The following CUBN variants were observed in gnomAD, a reference collection of about 807,000 sequenced individuals.
CUBN encodes 460 kDa receptor.
CUBN carries 282 observed loss-of-function variants against 405.3 expected under a neutral mutation model. The ratio of observed to expected loss-of-function variants is 0.70; its 90% confidence interval spans 0.63 to 0.77. The LOEUF (loss-of-function observed/expected upper bound fraction) is 0.77, where lower values mean the gene tolerates loss of function less well. Among genes scored for constraint, CUBN ranks in the 30% least tolerant of loss-of-function variants. The pLI, the probability that CUBN is intolerant of heterozygous loss-of-function variation, is 0.00. For synonymous variants in CUBN, 1,684 were observed against 1,617.0 expected, an observed-to-expected ratio of 1.04 and a Z score of -0.99; for missense variants, 4,514 against 4,475.2, an observed-to-expected ratio of 1.01 and a Z score of -0.25.
In CUBN at chr10:17,065,593, G is replaced by A; in HGVS notation, c.3054C>T (p.Asn1018=). 1.1e-5 allele frequency: 17 copies of A among 1,613,662 alleles called. No homozygotes were observed. The highest frequency in any genetic ancestry group is 1.4e-5 in the Non-Finnish European group (17 of 1,179,636). The change falls in exon 22 of 67, where the codon AAC becomes AAT. Residue 1018 remains asparagine, a synonymous_variant. Coordinates refer to ENST00000377833, the MANE Select transcript of CUBN (RefSeq NM_001081.4). ...CAGTCACAAACACCAGCATCAATGAGTTACCACTGCTTGTGAGAGATGGCG... is the reference window on the plus strand; with the variant it reads ...CAGTCACAAACACCAGCATCAATGAATTACCACTGCTTGTGAGAGATGGCG... ...SIPPSLTSSG[N]SLMLVFVTDS...
At position 16,913,889 on chromosome 10, in the gene CUBN, C is replaced by T. The variant is rs144942741; in HGVS notation, c.7455G>A (p.Pro2485=). ...ACATTAGGGTGATCCGCCTTCCCTCCGGGGCAGTGATTCTCCACTCGCAGA... is the reference window on the plus strand; with the variant it reads ...ACATTAGGGTGATCCGCCTTCCCTCTGGGGCAGTGATTCTCCACTCGCAGA... ...GRICEWRITA[P]EGRRITLMFN... The change falls in exon 48 of 67, where the codon CCG becomes CCA. Residue 2485 remains proline (P), a synonymous_variant. Coordinates refer to ENST00000377833, the MANE Select transcript of CUBN (RefSeq NM_001081.4). 1.1e-4 allele frequency: 179 copies of T among 1,614,044 alleles called. 2 individuals are homozygous for T. The Middle Eastern group carries it at 1.3e-3, about 12-fold the overall frequency.
chr10:17,059,555 A>T (rs1046890606), intron 22 of CUBN, among the ~76,000 whole-genome samples: 1 of 152,200 alleles, frequency 6.6e-6, no homozygotes, highest in African/African-American at 2.4e-5. Context: ...GAATGAATCC[A>T]TATGACCTCT....
intron 27 of CUBN, among the ~76,000 whole-genome samples, chr10:17,031,084 C>T (rs12262660): frequency 0.023 from 3,452 of 152,112 alleles, 131 homozygotes; most frequent in African/African-American, 0.078. Flanking sequence ...TTTTTCTTAA[C>T]GGAGCTTTGA....
chr10:16,970,584 A>AAAAAAC, intron 31 of CUBN, among the ~76,000 whole-genome samples: 1 of 151,920 alleles, frequency 6.6e-6, no homozygotes, highest in African/African-American at 2.4e-5. Context: ...CTCAAAAAAA[A>AAAAAAC]AAAAAAAATC....
chr10:16,971,730 C>T (rs1305993143), intron 31 of CUBN, among the ~76,000 whole-genome samples: 1 of 152,138 alleles, frequency 6.6e-6, no homozygotes, highest in Non-Finnish European at 1.5e-5. Flanking sequence ...ACATGATTTT[C>T]TCTACTGTTC....
chr10:17,012,292 G>A (rs1834207556), intron 28 of CUBN, among the ~76,000 whole-genome samples: 1 of 152,212 alleles, frequency 6.6e-6, no homozygotes. Flanking sequence ...CCAGAGGTTG[G>A]TATAAGAGTT....
intron 59 of CUBN, among the ~76,000 whole-genome samples, chr10:16,862,254 T>C (rs1314704008): frequency 6.6e-6 from 1 of 151,040 alleles, no homozygotes; most frequent in Non-Finnish European, 1.5e-5. Flanking sequence ...ACTAAGAAAA[T>C]CAGGAGTTTG....
intron 28 of CUBN, among the ~76,000 whole-genome samples, chr10:16,992,652 G>A (rs1833627128): frequency 6.6e-6 from 1 of 152,006 alleles, no homozygotes; most frequent in Admixed American, 6.6e-5. Context: ...ATCTTGATTC[G>A]GCAGAGAAAT....
intron 59 of CUBN, among the ~76,000 whole-genome samples, chr10:16,854,599 G>A (rs1839816147): frequency 6.6e-6 from 1 of 152,118 alleles, no homozygotes; most frequent in Non-Finnish European, 1.5e-5. Context: ...AGGTAGACAG[G>A]AAAATGCTGT....
rs368615070 is a variant in CUBN, at chr10:16,990,651, G to T, written c.4169-136C>A. 5.8e-6 allele frequency: 4 copies of T among 693,386 alleles called. 1 individual carries two copies. The African/African-American group carries it at 7.2e-5, about 12-fold the overall frequency. The allele number at this position is 693,386 out of a possible 1,614,324, so 43.0% of individuals were successfully genotyped here. ...GAGAAAACCGTTAAGTTACAATAAA[G>T]TTATAATTATGCAGTTATAAAACAA... On this transcript the variant is annotated intron_variant, in intron 28 of 66. Transcript: ENST00000377833.
intron 43 of CUBN, among the ~76,000 whole-genome samples, chr10:16,922,756 C>T (rs1842072219): frequency 6.6e-6 from 1 of 152,082 alleles, no homozygotes; most frequent in African/African-American, 2.4e-5. Context: ...ATCCACTTCC[C>T]CTGGAACCCT....
chr10:16,901,498 T>C, intron 51 of CUBN, 39 bp from the exon 52 acceptor site: 1 of 1,611,986 alleles, frequency 6.2e-7, no homozygotes, highest in South Asian at 1.1e-5. Context: ...AAAACAGAAG[T>C]AAAAAAAAGA....
In CUBN at chr10:16,900,856, G is replaced by T; in HGVS notation, c.8185-6C>A. 6.3e-7 allele frequency: 1 copy of T among 1,598,506 alleles called. No individual in the cohort carries two copies. ...TCAAAGTCACTAAATGTGAGCTGCA[G>T]GAGAAAAAAGAAAATGGTTGTCAGT... On this transcript the variant is annotated splice_polypyrimidine_tract_variant and splice_region_variant and intron_variant, in intron 52 of 66. Transcript: ENST00000377833.
chr10:16,883,565 A>T (rs1316383970), intron 56 of CUBN, among the ~76,000 whole-genome samples: 1 of 152,246 alleles, frequency 6.6e-6, no homozygotes, highest in Non-Finnish European at 1.5e-5. Context: ...GACAAAGCTC[A>T]TTTATTGTGC....
chr10:16,963,589 C>A (rs1366264833), intron 31 of CUBN, among the ~76,000 whole-genome samples: 2 of 152,122 alleles, frequency 1.3e-5, no homozygotes, highest in Non-Finnish European at 1.5e-5. Flanking sequence ...TGGTTACATA[C>A]AGATATTGCT....
intron 22 of CUBN, among the ~76,000 whole-genome samples, chr10:17,063,780 C>T (rs1835553207): frequency 6.6e-6 from 1 of 152,138 alleles, no homozygotes; most frequent in Non-Finnish European, 1.5e-5. Flanking sequence ...TATATGTTAT[C>T]TAAGATACAG....
intron 62 of CUBN, among the ~76,000 whole-genome samples, chr10:16,839,959 C>T (rs1375137356): frequency 1.2e-4 from 18 of 151,646 alleles, no homozygotes; most frequent in South Asian, 4.2e-4. Flanking sequence ...AGCAAACTAT[C>T]GCAAGGACAA....
chr10:16,913,492 G>A (rs1426543067), intron 48 of CUBN, among the ~76,000 whole-genome samples: 2 of 152,136 alleles, frequency 1.3e-5, no homozygotes, highest in South Asian at 2.1e-4. Context: ...TGTGACTCTG[G>A]TCCCATTCAG....
chr10:17,101,260 A>G (rs1836487401), intron 13 of CUBN, among the ~76,000 whole-genome samples: 1 of 152,206 alleles, frequency 6.6e-6, no homozygotes, highest in South Asian at 2.1e-4. Flanking sequence ...AAGATATGAA[A>G]TCACAATAAT....
Sources: allele counts gnomAD v4.1 joint callset (sites outside exome capture counted in the v4.1 genomes callset), GRCh38; gene constraint gnomAD v4.1.1; transcripts MANE v1.5; gene names NCBI Gene and HGNC (gene_info 2026-07-23, HGNC 2026-07-21).